PRRX1: variants seen among roughly 807,000 people sequenced by gnomAD.
PRRX1 encodes the protein paired mesoderm homeobox protein 1.
A neutral mutation model predicts 24.0 loss-of-function variants in PRRX1; 8 were observed. The observed-to-expected ratio is 0.33, with a 90% CI of 0.20 to 0.60. The LOEUF (loss-of-function observed/expected upper bound fraction) is 0.60, where lower values mean the gene tolerates loss of function less well. Among genes scored for constraint, PRRX1 ranks in the 20% least tolerant of loss-of-function variants. PRRX1 has a pLI of 0.82. For missense variants in PRRX1, 281 were observed against 322.4 expected (o/e 0.87, Z 0.98); for synonymous variants, 160 against 131.7 (o/e 1.22, Z -1.47).
intron 3 of PRRX1, chr1:170,730,368 A>G (rs770421065): frequency 1.5e-5 from 24 of 1,584,428 alleles, no homozygotes; most frequent in East Asian, 2.2e-5. Context: ...CAGAGGGGGA[A>G]GAGGGTGGCT....
intron 1 of PRRX1, among the ~76,000 whole-genome samples, chr1:170,715,449 T>C (rs945199236): frequency 7.2e-5 from 11 of 152,138 alleles, no homozygotes; most frequent in African/African-American, 2.7e-4. Flanking sequence ...TTTTAAAAAG[T>C]ATTTGATAAT....
At chr1:170,709,271 G>T (rs138897373) in intron 1 of PRRX1, among the ~76,000 whole-genome samples, 1 of 152,270 alleles carries the variant, frequency 6.6e-6, no homozygotes, top group East Asian at 1.9e-4. Context: ...AAAGGAGAAG[G>T]GGCCATTAAT....
At chr1:170,694,151 T>C (rs2101900057) in intron 1 of PRRX1, among the ~76,000 whole-genome samples, 1 of 152,224 alleles carries the variant, frequency 6.6e-6, no homozygotes, top group South Asian at 2.1e-4. Flanking sequence ...AAGGTTTCAG[T>C]TTCTCACTTG....
intron 3 of PRRX1, among the ~76,000 whole-genome samples, chr1:170,731,679 A>G (rs954304839): frequency 5.9e-5 from 9 of 152,176 alleles, no homozygotes; most frequent in Admixed American, 1.3e-4. Flanking sequence ...ATAAAAAATG[A>G]TTTGTCCCAG....
At chr1:170,730,228 C>G in intron 3 of PRRX1, 1 of 1,472,104 alleles carries the variant, frequency 6.8e-7, no homozygotes, top group East Asian at 2.3e-5. Context: ...TGCCTGACAT[C>G]TGCTGAACGC....
chr1:170,707,064 G>A (rs907783971), intron 1 of PRRX1, among the ~76,000 whole-genome samples: 2 of 151,800 alleles, frequency 1.3e-5, no homozygotes, highest in African/African-American at 4.8e-5. Context: ...AATGAGGTTG[G>A]AGTGAGCTGT....
At chr1:170,701,101 T>C (rs113145559) in intron 1 of PRRX1, among the ~76,000 whole-genome samples, 1 of 152,328 alleles carries the variant, frequency 6.6e-6, no homozygotes, top group African/African-American at 2.4e-5. Context: ...TTTCCACTGG[T>C]CAAAATGTGT....
chr1:170,667,993 G>A (rs1031320152), intron 1 of PRRX1: 1 of 151,288 alleles, frequency 6.6e-6, no homozygotes, highest in African/African-American at 2.4e-5. Flanking sequence ...CTCACCATCA[G>A]CAATTCTGTC....
At chr1:170,670,183 T>G (rs1271493681) in intron 1 of PRRX1, among the ~76,000 whole-genome samples, 1 of 152,256 alleles carries the variant, frequency 6.6e-6, no homozygotes, top group African/African-American at 2.4e-5. Context: ...TGTCGAATTC[T>G]GTATTTTACT....
intron 1 of PRRX1, among the ~76,000 whole-genome samples, chr1:170,676,332 T>TC (rs5778675): frequency 0.3 from 45,389 of 149,838 alleles, 7,119 homozygotes; most frequent in Admixed American, 0.38. Flanking sequence ...CTCCCCTCTC[T>TC]TTTTTTTTTC....
In PRRX1 at chr1:170,737,333, A is replaced by G. The variant is rs1655647111; in HGVS notation, c.*1147A>G. 5.2e-6 allele frequency: 1 copy of G among 190,550 alleles called. No individual in the cohort carries two copies. The highest frequency in any genetic ancestry group is 1.1e-5 in the Non-Finnish European group (1 of 90,784). The allele number at this position is 190,550 out of a possible 1,614,324, so 11.8% of individuals were successfully genotyped here. On this transcript the variant is annotated 3_prime_UTR_variant, in exon 4 of 4. Coordinates refer to ENST00000239461, the MANE Select transcript of PRRX1 (RefSeq NM_022716.4). ...CACGAAGTTTTCATTAAAGCCACAGAATAATTGATAGGGCAGCTGTTTGAG... is the reference window on the plus strand; with the variant it reads ...CACGAAGTTTTCATTAAAGCCACAGGATAATTGATAGGGCAGCTGTTTGAG...
intron 1 of PRRX1, among the ~76,000 whole-genome samples, chr1:170,716,390 C>T (rs1167558082): frequency 1.3e-5 from 2 of 152,052 alleles, no homozygotes; most frequent in Non-Finnish European, 2.9e-5. Context: ...CGAGACCATC[C>T]CGGCTAACAC....
rs529171039 is a variant in PRRX1 at position 170,664,148 on chromosome 1, C to G, written c.-71C>G. On this transcript the variant is annotated 5_prime_UTR_variant, in exon 1 of 4. Coordinates refer to ENST00000239461, the MANE Select transcript of PRRX1 (RefSeq NM_022716.4). ...TCTTCCCCACTCGGCTCCTCTCCCCCCTCGCGCCCACAGCGTTTGGTGTTG... is the reference window on the plus strand; with the variant it reads ...TCTTCCCCACTCGGCTCCTCTCCCCGCTCGCGCCCACAGCGTTTGGTGTTG... 5 of 1,510,816 alleles carry G rather than the reference C, an allele frequency of 3.3e-6. No homozygotes were observed. Among genetic ancestry groups the G allele is most frequent in the Non-Finnish European group, 4.5e-6 (5 of 1,118,656 alleles). The allele number at this position is 1,510,816 out of a possible 1,614,324, so 93.6% of individuals were successfully genotyped here.
At chr1:170,670,109 C>T (rs937090230) in intron 1 of PRRX1, among the ~76,000 whole-genome samples, 6 of 152,248 alleles carry the variant, frequency 3.9e-5, no homozygotes, top group Admixed American at 3.3e-4. Context: ...GCCAACTCTC[C>T]GTGTCCAAAC....
intron 1 of PRRX1, among the ~76,000 whole-genome samples, chr1:170,711,470 AAGAGCTG>A (rs761338747): frequency 6.6e-6 from 1 of 152,200 alleles, no homozygotes; most frequent in Non-Finnish European, 1.5e-5. Context: ...CTGTCCTTCT[AAGAGCTG>A]AGCTTACTCA....
chr1:170,728,256 G>A (rs1655318313), intron 3 of PRRX1: 1 of 152,160 alleles, frequency 6.6e-6, no homozygotes, highest in Non-Finnish European at 1.5e-5. Context: ...AGCCATTTGA[G>A]CCTCAGTGTC....
At chr1:170,702,375 T>C (rs1267473459) in intron 1 of PRRX1, among the ~76,000 whole-genome samples, 7 of 152,096 alleles carry the variant, frequency 4.6e-5, no homozygotes, top group Non-Finnish European at 8.8e-5. Flanking sequence ...CCTCTCCCTG[T>C]CCTCCCCTCC....
chr1:170,680,359 G>T (rs908289653), intron 1 of PRRX1, among the ~76,000 whole-genome samples: 1 of 152,206 alleles, frequency 6.6e-6, no homozygotes, highest in Non-Finnish European at 1.5e-5. Context: ...TTGTAGAGAT[G>T]TGAAGGGGCA....
At chr1:170,667,307 C>A (rs943677304) in intron 1 of PRRX1, 2 of 124,352 alleles carry the variant, frequency 1.6e-5, no homozygotes, top group Non-Finnish European at 3.2e-5. Flanking sequence ...CGCGCGCGCG[C>A]GCGCACACAC....
Sources: allele counts gnomAD v4.1 joint callset (sites outside exome capture counted in the v4.1 genomes callset), GRCh38; gene constraint gnomAD v4.1.1; transcripts MANE v1.5; gene names NCBI Gene and HGNC (gene_info 2026-07-23, HGNC 2026-07-21).